Variants in EYA1 observed in about 807,000 individuals in gnomAD.
EYA1 encodes the protein EYA transcriptional coactivator and phosphatase 1.
A neutral mutation model predicts 82.0 loss-of-function variants in EYA1; 16 were observed. The ratio of observed to expected loss-of-function variants is 0.20; its 90% CI spans 0.13 to 0.30. The LOEUF (loss-of-function observed/expected upper bound fraction) is 0.30. EYA1 is among the 10% of genes least tolerant of loss of function. The pLI is 1.00. For synonymous variants in EYA1, 261 were observed against 264.4 expected, an observed-to-expected ratio of 0.99 and a Z score of 0.12; for missense variants, 633 against 730.7, an observed-to-expected ratio of 0.87 and a Z score of 1.54.
At chr8:71,397,809 G>A (rs978918176) in intron 2 of EYA1, among the ~76,000 whole-genome samples, 45 of 152,022 alleles carry the variant, frequency 3.0e-4, no homozygotes, top group African/African-American at 1.0e-3. Flanking sequence ...GGTGTTCTCT[G>A]TATTTCCTGA....
At chr8:71,315,998 A>G (rs1012012976) in intron 7 of EYA1, among the ~76,000 whole-genome samples, 18 of 152,190 alleles carry the variant, frequency 1.2e-4, no homozygotes, top group African/African-American at 4.1e-4. Flanking sequence ...ATAAAAAAAA[A>G]TCATTCTTAA....
chr8:71,445,790 C>A (rs1296882107), intron 2 of EYA1, among the ~76,000 whole-genome samples: 2 of 152,160 alleles, frequency 1.3e-5, no homozygotes, highest in African/African-American at 4.8e-5. Context: ...AGGCACCCAC[C>A]ACCACGCCCA....
In EYA1 at chr8:71,345,314, CT is replaced by C. The variant is rs141838514; in HGVS notation, c.124+9467del. On this transcript the variant is annotated intron_variant, in intron 3 of 17. Transcript: ENST00000340726. Reference sequence around the variant, plus strand: ...TTGAGCATTTTCGAGGAGTCAGACTCTGTTCTAAGCACTTTACCAACTCATC... The same window carrying C: ...TTGAGCATTTTCGAGGAGTCAGACTCGTTCTAAGCACTTTACCAACTCATC... Among the ~76,000 whole-genome samples the C allele has an allele frequency of 4.3e-3, 660 of 152,284 alleles. 4 individuals carry two copies. The highest frequency in any genetic ancestry group is 0.015 in the African/African-American group (628 of 41,552).
At chr8:71,335,375 C>T (rs2129048242) in intron 3 of EYA1, among the ~76,000 whole-genome samples, 1 of 152,220 alleles carries the variant, frequency 6.6e-6, no homozygotes, top group East Asian at 1.9e-4. Flanking sequence ...CAAATATTCT[C>T]CTAATGCATA....
At chr8:71,381,376 C>T (rs1314307671) in intron 2 of EYA1, among the ~76,000 whole-genome samples, 2 of 152,204 alleles carry the variant, frequency 1.3e-5, no homozygotes, top group Admixed American at 6.5e-5. Flanking sequence ...CCCTGTCAGT[C>T]TCTGCATTAA....
At chr8:71,340,563 A>C (rs911874453) in intron 3 of EYA1, among the ~76,000 whole-genome samples, 3 of 152,128 alleles carry the variant, frequency 2.0e-5, no homozygotes, top group African/African-American at 7.2e-5. Flanking sequence ...AGTTTCTTCA[A>C]GGTTCAACTA....
chr8:71,443,025 C>A (rs1182576453), intron 2 of EYA1, among the ~76,000 whole-genome samples: 11 of 152,118 alleles, frequency 7.2e-5, no homozygotes, highest in Admixed American at 7.2e-4. Context: ...AACTGGCTAT[C>A]AACAAGACTA....
intron 2 of EYA1, among the ~76,000 whole-genome samples, chr8:71,463,033 C>A (rs1012556836): frequency 1.6e-4 from 25 of 152,008 alleles, no homozygotes; most frequent in African/African-American, 5.6e-4. Context: ...TCCAAAATAC[C>A]CCAAATACTA....
chr8:71,286,557 G>A (rs766789548), intron 9 of EYA1, among the ~76,000 whole-genome samples: 1 of 152,174 alleles, frequency 6.6e-6, no homozygotes, highest in African/African-American at 2.4e-5. Context: ...GCTTGGTTGA[G>A]TGGGGGGAAA....
intron 2 of EYA1, among the ~76,000 whole-genome samples, chr8:71,528,875 G>T (rs1361016904): frequency 6.6e-6 from 1 of 152,176 alleles, no homozygotes; most frequent in Admixed American, 6.5e-5. Context: ...AAAACAGCTT[G>T]CCCAAGTACA....
At chr8:71,377,975 T>A (rs538047880) in intron 2 of EYA1, among the ~76,000 whole-genome samples, 2 of 152,276 alleles carry the variant, frequency 1.3e-5, no homozygotes, top group East Asian at 3.9e-4. Flanking sequence ...CTTGGTCTCT[T>A]TTTAGGGTTG....
intron 12 of EYA1, among the ~76,000 whole-genome samples, chr8:71,244,245 C>T (rs929309092): frequency 6.6e-6 from 1 of 152,074 alleles, no homozygotes; most frequent in East Asian, 1.9e-4. Context: ...ACATAACAGT[C>T]TCAAAGAAAA....
intron 2 of EYA1, among the ~76,000 whole-genome samples, chr8:71,455,824 G>T (rs569703271): frequency 4.8e-4 from 73 of 152,248 alleles, no homozygotes; most frequent in Non-Finnish European, 8.7e-4. Flanking sequence ...AAAACTGGAA[G>T]CATTCCCTTT....
chr8:71,468,421 C>G (rs1167023998), intron 2 of EYA1, among the ~76,000 whole-genome samples: 1 of 151,986 alleles, frequency 6.6e-6, no homozygotes, highest in Non-Finnish European at 1.5e-5. Context: ...GGTTGGAGTC[C>G]AACGGAAGTG....
At chr8:71,495,243 CT>C (rs1198090693) in intron 2 of EYA1, among the ~76,000 whole-genome samples, 1 of 152,108 alleles carries the variant, frequency 6.6e-6, no homozygotes, top group East Asian at 1.9e-4. Flanking sequence ...GCTGTGACAA[CT>C]TTTTTCACGA....
chr8:71,298,904 C>T, intron 9 of EYA1, 143 bp downstream of exon 9: 1 of 698,040 alleles, frequency 1.4e-6, no homozygotes, highest in South Asian at 1.6e-5. Context: ...ATGAATGCCA[C>T]AGTCATGCTG....
Position 71,362,025 on chromosome 8 carries a change from C to T in EYA1, c.-433G>A, listed in dbSNP as rs1298065832. On this transcript the variant is annotated 5_prime_UTR_variant, in exon 1 of 18. Coordinates refer to ENST00000340726, the MANE Select transcript of EYA1 (RefSeq NM_000503.6). Reference sequence around the variant, plus strand: ...TTCTGTTTGGTAACAGCTTTGCGCCCAGCGCTCCTTCCCCACCAAACAGCA... The same window carrying T: ...TTCTGTTTGGTAACAGCTTTGCGCCTAGCGCTCCTTCCCCACCAAACAGCA... 6.1e-6 allele frequency: 6 copies of T among 985,394 alleles called. No individual in the cohort carries two copies. The highest frequency in any genetic ancestry group is 1.7e-5 in the African/African-American group (1 of 57,252). The allele number at this position is 985,394 out of a possible 1,614,324, so 61.0% of individuals were successfully genotyped here. A position where few individuals can be genotyped will look rare whatever the true frequency, so the allele number is the denominator to read the frequency against.
chr8:71,500,537 G>T (rs1447071665), intron 2 of EYA1, among the ~76,000 whole-genome samples: 1 of 152,064 alleles, frequency 6.6e-6, no homozygotes, highest in Non-Finnish European at 1.5e-5. Flanking sequence ...GGAGTCTCGT[G>T]TATGTACATA....
intron 2 of EYA1, among the ~76,000 whole-genome samples, chr8:71,369,234 C>T (rs1292869905): frequency 6.6e-6 from 1 of 150,720 alleles, no homozygotes; most frequent in Non-Finnish European, 1.5e-5. Context: ...CTTCTTAAAG[C>T]AGTATATGGC....
Sources: gnomAD v4.1 joint callset for allele counts (sites outside exome capture counted in the v4.1 genomes callset) on GRCh38, gnomAD v4.1.1 for gene constraint, MANE v1.5 for transcripts, NCBI Gene and HGNC (gene_info 2026-07-23, HGNC 2026-07-21) for gene names.